CRTC1: variants seen among roughly 807,000 people sequenced by gnomAD.
CRTC1 encodes CREB regulated transcription coactivator 1, also known as CREB-regulated transcription coactivator 1.
In CRTC1, 18 loss-of-function variants were observed where a neutral mutation model predicts 66.1. The ratio of observed to expected loss-of-function variants is 0.27; its 90% CI spans 0.19 to 0.40. The LOEUF (loss-of-function observed/expected upper bound fraction) is 0.40. CRTC1 is among the 10% of genes least tolerant of loss of function. The probability of loss-of-function intolerance (pLI) is 1.00; values close to 1 mark genes in which losing one functional copy is unlikely to be tolerated. For synonymous variants in CRTC1, 416 were observed against 398.8 expected (o/e 1.04, Z -0.51); for missense variants, 669 against 887.9 (o/e 0.75, Z 3.13).
Position 18,685,612 on chromosome 19 carries a change from A to T in CRTC1, c.126+1784A>T, listed in dbSNP as rs577532955. Among the ~76,000 whole-genome samples, 6 of 152,272 alleles carry T rather than the reference A, an allele frequency of 3.9e-5. No individual in the cohort carries two copies. In the East Asian group the frequency reaches 1.2e-3, roughly 29 times the overall value. ...GTGGAGGTTGCAGTGAGCCGAGATCATGTTACTGTACTCCAGCCTGGGTGA... is the reference window on the plus strand; with the variant it reads ...GTGGAGGTTGCAGTGAGCCGAGATCTTGTTACTGTACTCCAGCCTGGGTGA... On this transcript the variant is annotated intron_variant, in intron 1 of 13. Coordinates refer to ENST00000321949, the MANE Select transcript of CRTC1 (RefSeq NM_015321.3).
chr19:18,755,898 G>A (rs1254862410), intron 6 of CRTC1, among the ~76,000 whole-genome samples: 1 of 151,988 alleles, frequency 6.6e-6, no homozygotes, highest in Non-Finnish European at 1.5e-5. Context: ...CACCTCGCCT[G>A]GCCTATTTTT....
chr19:18,727,857 G>T (rs557468536), intron 1 of CRTC1, among the ~76,000 whole-genome samples: 1 of 152,084 alleles, frequency 6.6e-6, no homozygotes, highest in East Asian at 1.9e-4. Flanking sequence ...GAGTAGCTGG[G>T]ATTACAGGCG....
rs115727199 is a variant in CRTC1 at position 18,730,092 on chromosome 19, C to A, written c.127-12818C>A. 4.6e-3 allele frequency among the ~76,000 whole-genome samples: 708 copies of A among 152,286 alleles called. 5 individuals carry two copies. Among genetic ancestry groups the A allele is most frequent in the African/African-American group, 0.016 (684 of 41,550 alleles). ...GGTGCCAGCCATCCTGTGCTTATGTCCTGTCCAAGGCCGGCCGTGGCTTCT... is the reference window on the plus strand; with the variant it reads ...GGTGCCAGCCATCCTGTGCTTATGTACTGTCCAAGGCCGGCCGTGGCTTCT... On this transcript the variant is annotated intron_variant, in intron 1 of 13. Transcript: ENST00000321949.
intron 12 of CRTC1, among the ~76,000 whole-genome samples, chr19:18,775,228 C>T (rs1164531327): frequency 2.0e-5 from 3 of 152,186 alleles, no homozygotes; most frequent in East Asian, 1.9e-4. Context: ...GAGCGGAGGC[C>T]GAGGGCAGAG....
At chr19:18,737,603 G>A (rs1463163759) in intron 1 of CRTC1, among the ~76,000 whole-genome samples, 3 of 152,130 alleles carry the variant, frequency 2.0e-5, no homozygotes, top group Non-Finnish European at 4.4e-5. Flanking sequence ...TCTCACTCCT[G>A]GAACCTGGGA....
chr19:18,693,658 T>C (rs946163485), intron 1 of CRTC1, among the ~76,000 whole-genome samples: 2 of 151,580 alleles, frequency 1.3e-5, no homozygotes, highest in African/African-American at 4.8e-5. Context: ...CTTTTTTTTG[T>C]ATTTTTAGTA....
intron 5 of CRTC1, among the ~76,000 whole-genome samples, chr19:18,751,815 G>A (rs765698321): frequency 6.6e-6 from 1 of 152,170 alleles, no homozygotes; most frequent in Non-Finnish European, 1.5e-5. Flanking sequence ...GCCACTGGGT[G>A]TCAGCAGCCC....
At position 18,777,439 on chromosome 19, in the gene CRTC1, G is replaced by A. The variant is rs758896290; in HGVS notation, c.*57G>A. On this transcript the variant is annotated 3_prime_UTR_variant, in exon 14 of 14. Coordinates refer to ENST00000321949, the MANE Select transcript of CRTC1 (RefSeq NM_015321.3). The surrounding 1 kb of genome is among the most constrained non-coding windows in gnomAD (Gnocchi z 5.5). The stretch of plus-strand genomic sequence containing the variant: ...TCCCGACGGCGCCTCCCCAGCCCGG[G>A]GACGGCCGTGCTCCGTCCCTCGCCA... 1.3e-5 allele frequency: 19 copies of A among 1,491,422 alleles called. No individual in the cohort carries two copies. The highest frequency in any genetic ancestry group is 1.7e-5 in the Non-Finnish European group (18 of 1,082,862). 92.4% of individuals were successfully genotyped at this position (1,491,422 alleles called of 1,614,324 possible). A position where few individuals can be genotyped will look rare whatever the true frequency, so the allele number is the denominator to read the frequency against.
chr19:18,735,199 G>C (rs2053971528), intron 1 of CRTC1, among the ~76,000 whole-genome samples: 1 of 152,212 alleles, frequency 6.6e-6, no homozygotes, highest in African/African-American at 2.4e-5. Context: ...GACATCACTT[G>C]GAGCTTTGGG....
chr19:18,767,396 G>A (rs528178123), intron 9 of CRTC1, among the ~76,000 whole-genome samples: 1 of 151,958 alleles, frequency 6.6e-6, no homozygotes, highest in African/African-American at 2.4e-5. Flanking sequence ...ACAGAGTTTC[G>A]TCTTGTTGAC....
At chr19:18,710,017 G>A (rs1252526498) in intron 1 of CRTC1, among the ~76,000 whole-genome samples, 10 of 140,754 alleles carry the variant, frequency 7.1e-5, no homozygotes, top group South Asian at 4.5e-4. Context: ...CCCAGCACCC[G>A]CCCCCCCACA....
intron 8 of CRTC1, among the ~76,000 whole-genome samples, chr19:18,763,048 G>A (rs999416673): frequency 6.6e-6 from 1 of 152,096 alleles, no homozygotes; most frequent in African/African-American, 2.4e-5. Flanking sequence ...CCTTTTCTAG[G>A]CTTAGACACA....
At chr19:18,695,497 A>G (rs2052963306) in intron 1 of CRTC1, among the ~76,000 whole-genome samples, 1 of 151,960 alleles carries the variant, frequency 6.6e-6, no homozygotes, top group Admixed American at 6.5e-5. Context: ...TTTTGGGGAC[A>G]TTTGTGGTTG....
At chr19:18,766,068 C>T (rs1320292191) in intron 9 of CRTC1, among the ~76,000 whole-genome samples, 1 of 150,468 alleles carries the variant, frequency 6.6e-6, no homozygotes, top group Non-Finnish European at 1.5e-5. Flanking sequence ...TTGTCCATTT[C>T]GTCTTTGCTA....
chr19:18,718,812 G>A (rs1228596093), intron 1 of CRTC1, among the ~76,000 whole-genome samples: 1 of 152,184 alleles, frequency 6.6e-6, no homozygotes, highest in Non-Finnish European at 1.5e-5. Flanking sequence ...CCGTCCAGGA[G>A]TGGGATTGCT....
In CRTC1 at chr19:18,777,544, G is replaced by A. The variant is rs2055020114; in HGVS notation, c.*162G>A. The A allele has an allele frequency of 4.5e-6, 3 of 673,514 alleles. No homozygotes were observed. The highest frequency in any genetic ancestry group is 2.7e-5 in the Admixed American group (1 of 36,450). The allele number at this position is 673,514 out of a possible 1,614,324, so 41.7% of individuals were successfully genotyped here. Reference sequence around the variant, plus strand: ...CCGCCCCCGGTTGTCCACCTCCCGCGAAGCCCAATCGCGAGGCCGCGAGCC... The same window carrying A: ...CCGCCCCCGGTTGTCCACCTCCCGCAAAGCCCAATCGCGAGGCCGCGAGCC... On this transcript the variant is annotated 3_prime_UTR_variant, in exon 14 of 14. Coordinates refer to ENST00000321949, the MANE Select transcript of CRTC1 (RefSeq NM_015321.3). This position sits in a 1 kb window ranked among gnomAD's most constrained non-coding sequence, Gnocchi z 5.5.
intron 8 of CRTC1, among the ~76,000 whole-genome samples, chr19:18,765,117 A>G (rs531822928): frequency 1.3e-5 from 2 of 152,070 alleles, no homozygotes; most frequent in South Asian, 4.2e-4. Flanking sequence ...TTACATGCCC[A>G]TCTGGGGGCC....
rs60907638 is a variant in CRTC1, at chr19:18,727,580, C to CAAAA, written c.127-15316_127-15313dup. 2.1e-4 allele frequency among the ~76,000 whole-genome samples: 11 copies of CAAAA among 51,802 alleles called. No individual in the cohort carries two copies. The East Asian group carries it at 5.5e-3, about 26-fold the overall frequency. The allele number at this position is 51,802 out of a possible 152,430, so 34.0% of individuals were successfully genotyped here. On this transcript the variant is annotated intron_variant, in intron 1 of 13. Transcript: ENST00000321949. ...TGGGTGACAGAGCAAGACTCTGTCTCAAAAAAAAAAAAAAAAAGAAGAAGA... is the reference window on the plus strand; with the variant it reads ...TGGGTGACAGAGCAAGACTCTGTCTCAAAAAAAAAAAAAAAAAAAAAGAAGAAGA...
intron 1 of CRTC1, among the ~76,000 whole-genome samples, chr19:18,698,515 C>T (rs1225355851): frequency 1.3e-5 from 2 of 149,580 alleles, no homozygotes; most frequent in Non-Finnish European, 3.0e-5. Context: ...GCTCAGCAGG[C>T]GCTCAGCAGG....
Sources: gnomAD v4.1 joint callset for allele counts (sites outside exome capture counted in the v4.1 genomes callset) on GRCh38, gnomAD v4.1.1 for gene constraint, Gnocchi (gnomAD v3.1) non-coding constraint, MANE v1.5 for transcripts, NCBI Gene and HGNC (gene_info 2026-07-23, HGNC 2026-07-21) for gene names.